CLCA1: variants seen among roughly 807,000 people sequenced by gnomAD.
The protein encoded by CLCA1 is chloride channel accessory 1.
In CLCA1, 59 loss-of-function variants were observed where a neutral mutation model predicts 85.6. The ratio of observed to expected loss-of-function variants is 0.69; its 90% CI spans 0.56 to 0.86. The LOEUF (loss-of-function observed/expected upper bound fraction) is 0.86, where lower values mean the gene tolerates loss of function less well. Among genes scored for constraint, CLCA1 ranks in the 40% least tolerant of loss-of-function variants. The pLI, the probability that CLCA1 is intolerant of heterozygous loss-of-function variation, is 0.00. For synonymous variants in CLCA1, 396 were observed against 398.3 expected, an observed-to-expected ratio of 0.99 and a Z score of 0.07; for missense variants, 1,022 against 1,101.4, an observed-to-expected ratio of 0.93 and a Z score of 1.02.
intron 1 of CLCA1, 28 bp downstream of exon 1, chr1:86,469,161 T>G (rs759239138): frequency 4.6e-6 from 7 of 1,532,638 alleles, no homozygotes; most frequent in Non-Finnish European, 6.2e-6. Flanking sequence ...ATCCATACTT[T>G]TTTAAAAATA....
At chr1:86,470,468 T>C (rs1647471499) in intron 1 of CLCA1, among the ~76,000 whole-genome samples, 1 of 152,186 alleles carries the variant, frequency 6.6e-6, no homozygotes, top group Non-Finnish European at 1.5e-5. Context: ...GGTTCAGCAA[T>C]ATGCCAGAAG....
chr1:86,481,408 G>A (rs1230980948), intron 4 of CLCA1, among the ~76,000 whole-genome samples: 1 of 151,558 alleles, frequency 6.6e-6, no homozygotes, highest in Non-Finnish European at 1.5e-5. Context: ...CAAAGTGCTG[G>A]GATTACAGGT....
In CLCA1 at chr1:86,482,301, C is replaced by G. The variant is rs778827054; in HGVS notation, c.654C>G (p.Leu218=). ...KRCTFNKVTG[L]YEKGCEFVLQ... ...GCACATTCAATAAAGTAACAGGACT[C>G]TATGAAAAAGGATGTGAGTTTGTTC... Residue 218 remains leucine, a synonymous_variant, in exon 5 of 14, where the codon CTC becomes CTG. Coordinates refer to ENST00000394711, the MANE Select transcript of CLCA1 (RefSeq NM_001285.4). 21 of 1,613,802 alleles carry G rather than the reference C, an allele frequency of 1.3e-5. No homozygotes were observed. In the South Asian group the frequency reaches 1.3e-4, roughly 10 times the overall value.
Position 86,493,377 on chromosome 1 carries a change from T to C in CLCA1, c.1465-7T>C. ...CTCCAGAAAGTAAGAGCTGTTTTTC[T>C]TAACAGCTTGAGAGTAAGGGATTAA... is the stretch of plus-strand genomic sequence containing the variant. On this transcript the variant is annotated splice_polypyrimidine_tract_variant and splice_region_variant and intron_variant, in intron 9 of 13. Coordinates refer to ENST00000394711, the MANE Select transcript of CLCA1 (RefSeq NM_001285.4). 5.6e-6 allele frequency: 9 copies of C among 1,608,366 alleles called. No homozygotes were observed. Among genetic ancestry groups the C allele is most frequent in the Non-Finnish European group, 7.7e-6 (9 of 1,175,220 alleles).
chr1:86,485,001 G>C (rs953071754), intron 5 of CLCA1, among the ~76,000 whole-genome samples: 1 of 152,142 alleles, frequency 6.6e-6, no homozygotes, highest in Non-Finnish European at 1.5e-5. Flanking sequence ...GAGTTTGGTG[G>C]TATAAGGGTG....
Position 86,471,309 on chromosome 1 carries a change from AT to A in CLCA1, c.163-2107del, listed in dbSNP as rs1480247102. 2.0e-5 allele frequency among the ~76,000 whole-genome samples: 3 copies of A among 152,220 alleles called. No individual in the cohort carries two copies. In the East Asian group the frequency reaches 5.8e-4, roughly 29 times the overall value. On this transcript the variant is annotated intron_variant, in intron 1 of 13. Coordinates refer to ENST00000394711, the MANE Select transcript of CLCA1 (RefSeq NM_001285.4). Reference sequence around the variant, plus strand: ...TTCATTCAACAAATATTTACAGAGCATCTAAATTATGTCAGGTACTAGAAGT... The same window carrying A: ...TTCATTCAACAAATATTTACAGAGCACTAAATTATGTCAGGTACTAGAAGT...
intron 9 of CLCA1, among the ~76,000 whole-genome samples, chr1:86,492,416 T>C (rs780478902): frequency 2.1e-5 from 3 of 144,662 alleles, no homozygotes; most frequent in Non-Finnish European, 4.6e-5. Flanking sequence ...ATGATTTTTG[T>C]ATTTAAGAAA....
Position 86,491,391 on chromosome 1 carries a change from G to C in CLCA1, c.1464+20G>C. 2 of 1,542,262 alleles carry C rather than the reference G, an allele frequency of 1.3e-6. No individual in the cohort carries two copies. Among genetic ancestry groups the C allele is most frequent in the Non-Finnish European group, 1.8e-6 (2 of 1,120,276 alleles). The stretch of plus-strand genomic sequence containing the variant: ...ATCCAGGTTGGAGTTCTTAATCTTT[G>C]GTTTTTCATATTTACACATAATCAT... On this transcript the variant is annotated intron_variant, in intron 9 of 13. Coordinates refer to ENST00000394711, the MANE Select transcript of CLCA1 (RefSeq NM_001285.4).
chr1:86,486,817 A>G, intron 7 of CLCA1, 64 bp downstream of exon 7: 3 of 1,446,014 alleles, frequency 2.1e-6, no homozygotes, highest in Non-Finnish European at 1.9e-6. Context: ...ACAAACTTCC[A>G]TTTCCAGTGT....
At chr1:86,498,099 C>T (rs762048336) in intron 12 of CLCA1, among the ~76,000 whole-genome samples, 23 of 150,748 alleles carry the variant, frequency 1.5e-4, no homozygotes, top group Admixed American at 4.0e-4. Flanking sequence ...GCCAAGATTG[C>T]GCCACACCAG....
chr1:86,493,688 G>T (rs1402939661), intron 10 of CLCA1, 89 bp downstream of exon 10: 2 of 1,005,868 alleles, frequency 2.0e-6, no homozygotes, highest in African/African-American at 1.6e-5. Context: ...AATGTTGGTG[G>T]TTGCTAAAAG....
intron 1 of CLCA1, among the ~76,000 whole-genome samples, chr1:86,469,765 AAAAC>A: frequency 6.6e-6 from 1 of 152,318 alleles, no homozygotes; most frequent in East Asian, 1.9e-4. Context: ...ACAAACAGCT[AAAAC>A]TAAGAGGGAA....
At chr1:86,488,203 G>A (rs1483119120) in intron 7 of CLCA1, among the ~76,000 whole-genome samples, 1 of 152,170 alleles carries the variant, frequency 6.6e-6, no homozygotes, top group African/African-American at 2.4e-5. Context: ...GCTTAGGCTT[G>A]ATTTCTTGTT....
At chr1:86,474,831 T>A (rs1570279753) in intron 3 of CLCA1, among the ~76,000 whole-genome samples, 1 of 152,220 alleles carries the variant, frequency 6.6e-6, no homozygotes, top group South Asian at 2.1e-4. Flanking sequence ...AAATGTACTT[T>A]CCAAGAATCA....
At position 86,494,253 on chromosome 1, in the gene CLCA1, G is replaced by A. The variant is rs1223921657; in HGVS notation, c.1747G>A (p.Ala583Thr). The A allele has an allele frequency of 1.2e-6, 2 of 1,614,186 alleles. No individual in the cohort carries two copies. Among genetic ancestry groups the A allele is most frequent in the South Asian group, 2.2e-5 (2 of 91,076 alleles). Residue 583 changes from alanine to threonine, a missense_variant, in exon 11 of 14, where the codon GCG (alanine) becomes ACG (threonine). Physicochemically the swap from Ala to Thr is moderately conservative, Grantham distance 58. Coordinates refer to ENST00000394711, the MANE Select transcript of CLCA1 (RefSeq NM_001285.4). ...CTTGACCCTGACTGTCACGTCCCGT[G>A]CGTCCAATGCTACCCTGCCTCCAAT... is the stretch of plus-strand genomic sequence containing the variant. ...QTLTLTVTSRASNATLPPITV... is the reference protein window; with the variant it reads ...QTLTLTVTSRTSNATLPPITV...
chr1:86,499,770 G>C lies in CLCA1; in HGVS notation c.2470G>C (p.Val824Leu). ...LIPKEANSEE[V>L]FLFKPENITF... is the part of the protein sequence containing the mutation. ...CCCAAAGGAAGCCAACTCTGAGGAA[G>C]TCTTTTTGTTTAAACCAGAAAACAT... The change falls in exon 14 of 14, where the codon GTC (valine) becomes CTC (leucine). Residue 824 changes from valine (V) to leucine (L), a missense_variant. Transcript: ENST00000394711. 6.2e-7 allele frequency: 1 copy of C among 1,613,974 alleles called. No individual in the cohort carries two copies. The highest frequency in any genetic ancestry group is 8.5e-7 in the Non-Finnish European group (1 of 1,179,832).
intron 9 of CLCA1, among the ~76,000 whole-genome samples, chr1:86,492,806 G>A (rs1648170953): frequency 1.3e-5 from 2 of 152,136 alleles, no homozygotes; most frequent in Non-Finnish European, 2.9e-5. Context: ...CCATGCGTGG[G>A]TAAAAAATAA....
At chr1:86,487,042 G>C (rs917553492) in intron 7 of CLCA1, among the ~76,000 whole-genome samples, 19 of 152,136 alleles carry the variant, frequency 1.2e-4, no homozygotes, top group Non-Finnish European at 1.5e-5. Context: ...TTTCCCATGT[G>C]GCAGCAGGAA....
At chr1:86,469,181 T>G (rs754089424) in intron 1 of CLCA1, 48 bp downstream of exon 1, 25 of 1,407,528 alleles carry the variant, frequency 1.8e-5, no homozygotes, top group Non-Finnish European at 2.3e-5. Flanking sequence ...AGCATAATGT[T>G]GTGATAGAGA....
Sources: gnomAD v4.1 joint callset for allele counts (sites outside exome capture counted in the v4.1 genomes callset) on GRCh38, gnomAD v4.1.1 for gene constraint, MANE v1.5 for transcripts, NCBI Gene and HGNC (gene_info 2026-07-23, HGNC 2026-07-21) for gene names.